The following ROBO1 variants were observed in gnomAD, a reference collection of about 807,000 sequenced individuals.
The protein encoded by ROBO1 is roundabout homolog 1.
In ROBO1, 149 loss-of-function variants were observed where a neutral mutation model predicts 195.9. The ratio of observed to expected loss-of-function variants is 0.76; its 90% CI spans 0.67 to 0.87. The LOEUF is 0.87. ROBO1 is among the 40% of genes least tolerant of loss of function. The probability of loss-of-function intolerance (pLI) is 0.00; values close to 1 mark genes in which losing one functional copy is unlikely to be tolerated. For synonymous variants in ROBO1, 816 were observed against 733.2 expected, an observed-to-expected ratio of 1.11 and a Z score of -1.82; for missense variants, 1,933 against 2,068.3, an observed-to-expected ratio of 0.93 and a Z score of 1.27.
At chr3:79,121,388 A>T (rs530004071) in intron 3 of ROBO1, among the ~76,000 whole-genome samples, 18 of 152,246 alleles carry the variant, frequency 1.2e-4, no homozygotes, top group African/African-American at 4.1e-4. Flanking sequence ...ATTGGATTCA[A>T]GTTTATATGG....
chr3:79,744,948 T>C (rs1703807834), intron 1 of ROBO1, among the ~76,000 whole-genome samples: 1 of 151,976 alleles, frequency 6.6e-6, no homozygotes, highest in Admixed American at 6.6e-5. Context: ...ATTCTAAAAG[T>C]GAATGCTTTA....
intron 1 of ROBO1, among the ~76,000 whole-genome samples, chr3:79,702,592 A>C (rs1246007435): frequency 6.6e-6 from 1 of 151,794 alleles, no homozygotes; most frequent in African/African-American, 2.4e-5. Flanking sequence ...TAACCTTCAC[A>C]CGAATCTAAG....
chr3:78,754,295 T>C (rs1416748170), intron 4 of ROBO1, among the ~76,000 whole-genome samples: 1 of 151,934 alleles, frequency 6.6e-6, no homozygotes, highest in African/African-American at 2.4e-5. Context: ...TTGATGAGGG[T>C]TTTAAAGTGC....
intron 8 of ROBO1, among the ~76,000 whole-genome samples, chr3:78,694,099 A>G (rs1008017509): frequency 5.3e-5 from 8 of 152,210 alleles, no homozygotes; most frequent in African/African-American, 1.9e-4. Flanking sequence ...AAACTTTATA[A>G]TCTTATCTAT....
intron 3 of ROBO1, among the ~76,000 whole-genome samples, chr3:79,115,799 A>G (rs541627026): frequency 6.6e-6 from 1 of 152,110 alleles, no homozygotes; most frequent in Non-Finnish European, 1.5e-5. Context: ...CCTTCTTACC[A>G]TACTTCCGTG....
intron 2 of ROBO1, among the ~76,000 whole-genome samples, chr3:79,506,723 G>A (rs1035079981): frequency 2.6e-4 from 39 of 152,324 alleles, no homozygotes; most frequent in South Asian, 2.1e-4. Context: ...GATTACAGGC[G>A]TGAGTCACTG....
chr3:79,276,315 T>G (rs2108987846), intron 2 of ROBO1, among the ~76,000 whole-genome samples: 1 of 151,536 alleles, frequency 6.6e-6, no homozygotes, highest in East Asian at 1.9e-4. Flanking sequence ...AGAAATAATT[T>G]CATACATCTA....
intron 4 of ROBO1, among the ~76,000 whole-genome samples, chr3:78,838,192 T>C (rs904611221): frequency 6.6e-6 from 1 of 152,212 alleles, no homozygotes; most frequent in African/African-American, 2.4e-5. Flanking sequence ...TTTCTATGCC[T>C]CTTTTTCAGT....
At chr3:79,050,945 T>A (rs535044337) in intron 3 of ROBO1, among the ~76,000 whole-genome samples, 1 of 151,932 alleles carries the variant, frequency 6.6e-6, no homozygotes, top group South Asian at 2.1e-4. Flanking sequence ...TAAATGCTCA[T>A]AACAGAAAGC....
chr3:79,330,446 T>C (rs77011240), intron 2 of ROBO1, among the ~76,000 whole-genome samples: 3,074 of 151,384 alleles, frequency 0.02, 59 homozygotes, highest in Middle Eastern at 0.1. Context: ...TTTTTATATT[T>C]ACAAATGGTT....
chr3:79,585,111 CT>C (rs1237649867), intron 2 of ROBO1, among the ~76,000 whole-genome samples: 1 of 151,524 alleles, frequency 6.6e-6, no homozygotes, highest in African/African-American at 2.4e-5. Context: ...TATCAACATA[CT>C]TTTAAGATAA....
At chr3:79,007,993 A>C (rs1048978132) in intron 3 of ROBO1, among the ~76,000 whole-genome samples, 2 of 152,314 alleles carry the variant, frequency 1.3e-5, no homozygotes, top group Admixed American at 1.3e-4. Context: ...TACCTCTGAA[A>C]GCAGATTTTT....
At chr3:79,519,645 A>AAAAAG (rs1386571432) in intron 2 of ROBO1, among the ~76,000 whole-genome samples, 76 of 150,064 alleles carry the variant, frequency 5.1e-4, no homozygotes, top group African/African-American at 1.6e-3. Context: ...AAAAAAAAAA[A>AAAAAG]AAAAGAAAAG....
chr3:78,628,686 TCTCA>T (rs1436918057), intron 25 of ROBO1, among the ~76,000 whole-genome samples: 1 of 152,194 alleles, frequency 6.6e-6, no homozygotes, highest in Non-Finnish European at 1.5e-5. Flanking sequence ...ACTTTCCTAA[TCTCA>T]CTATCTCCCT....
chr3:79,165,508 A>C (rs1437535787), intron 2 of ROBO1, among the ~76,000 whole-genome samples: 1 of 152,210 alleles, frequency 6.6e-6, no homozygotes, highest in Non-Finnish European at 1.5e-5. Context: ...TTTGGAAAAA[A>C]GCTGATTCGA....
At chr3:78,842,613 T>C (rs1195415336) in intron 4 of ROBO1, among the ~76,000 whole-genome samples, 2 of 148,484 alleles carry the variant, frequency 1.3e-5, no homozygotes, top group African/African-American at 4.9e-5. Context: ...TTTTTATATA[T>C]GGCACCTAAG....
intron 16 of ROBO1, 110 bp from the exon 17 acceptor site, chr3:78,659,917 G>GTTTTTT (rs1559708355): frequency 5.5e-6 from 3 of 542,640 alleles, no homozygotes; most frequent in African/African-American, 6.4e-5. Context: ...ATCAATATAT[G>GTTTTTT]CTTTTTTTTT....
rs1481092392 is a variant in ROBO1, at chr3:79,606,283, G to A, written c.-50-16322C>T. On this transcript the variant is annotated intron_variant, in intron 1 of 30. Coordinates refer to ENST00000464233, the MANE Select transcript of ROBO1 (RefSeq NM_002941.4). Reference sequence around the variant, plus strand: ...TAACTACAGTCTTTTCTAAGGATTCGGCTCCCTCATGTGTTCTCATTCATG... The same window carrying A: ...TAACTACAGTCTTTTCTAAGGATTCAGCTCCCTCATGTGTTCTCATTCATG... Among the ~76,000 whole-genome samples the A allele has an allele frequency of 5.9e-5, 9 of 151,754 alleles. No homozygotes were observed. The South Asian group carries it at 6.2e-4, about 11-fold the overall frequency.
chr3:78,947,456 A>C (rs1255674123), intron 3 of ROBO1, among the ~76,000 whole-genome samples: 1 of 152,232 alleles, frequency 6.6e-6, no homozygotes, highest in East Asian at 1.9e-4. Context: ...GCAGAAATAA[A>C]GATGTTCTTT....
Sources: allele counts gnomAD v4.1 joint callset (sites outside exome capture counted in the v4.1 genomes callset), GRCh38; gene constraint gnomAD v4.1.1; transcripts MANE v1.5; gene names NCBI Gene and HGNC (gene_info 2026-07-23, HGNC 2026-07-21).